ZFYVE19: variants seen among roughly 807,000 people sequenced by gnomAD.
ZFYVE19 encodes zinc finger FYVE-type containing 19, also known as abscission/NoCut checkpoint regulator.
Under a neutral mutation model 62.8 loss-of-function variants are expected in ZFYVE19, and 49 were observed. That is an observed-to-expected ratio of 0.78 (90% confidence interval 0.62 to 0.99). ZFYVE19 has a LOEUF of 0.99. ZFYVE19 is among the 50% of genes least tolerant of loss of function. The pLI, the probability that ZFYVE19 is intolerant of heterozygous loss-of-function variation, is 0.00. For missense variants in ZFYVE19, 630 were observed against 601.9 expected (o/e 1.05, Z -0.49); for synonymous variants, 242 against 234.3 (o/e 1.03, Z -0.30).
intron 6 of ZFYVE19, 127 bp from the exon 7 acceptor site, chr15:40,812,572 A>G: frequency 1.7e-6 from 1 of 604,792 alleles, no homozygotes; most frequent in East Asian, 3.3e-5. Context: ...AAAGAAAGAA[A>G]GAAAGAAAGA....
At position 40,813,356 on chromosome 15, in the gene ZFYVE19, G is replaced by T; in HGVS notation, c.1049G>T (p.Arg350Leu). ...DPERVTLQDYRLPDSDDDEDE... is the reference protein window; with the variant it reads ...DPERVTLQDYLLPDSDDDEDE... ...CTTCAAGTGACCCTCCAGGACTATCGCCTCCCAGACAGTGATGACGACGAG... is the reference window on the plus strand; with the variant it reads ...CTTCAAGTGACCCTCCAGGACTATCTCCTCCCAGACAGTGATGACGACGAG... Residue 350 changes from arginine to leucine, a missense_variant, in exon 8 of 11, where the codon CGC becomes CTC. Transcript: ENST00000355341. The T allele has an allele frequency of 1.9e-6, 3 of 1,613,148 alleles. No individual in the cohort carries two copies. The highest frequency in any genetic ancestry group is 2.5e-6 in the Non-Finnish European group (3 of 1,179,588).
intron 1 of ZFYVE19, chr15:40,808,203 A>C: frequency 6.3e-7 from 1 of 1,584,194 alleles, no homozygotes; most frequent in Non-Finnish European, 8.5e-7. Flanking sequence ...CGCGGTGTCC[A>C]TCACACCAAG....
intron 1 of ZFYVE19, chr15:40,808,343 A>G (rs1890347134): frequency 1.9e-6 from 3 of 1,597,524 alleles, no homozygotes; most frequent in Admixed American, 1.7e-5. Flanking sequence ...TCCTGTCCCT[A>G]TCACAGACCT....
intron 9 of ZFYVE19, 61 bp from the exon 10 acceptor site, chr15:40,813,882 G>A: frequency 6.3e-7 from 1 of 1,592,958 alleles, no homozygotes; most frequent in Non-Finnish European, 8.6e-7. Flanking sequence ...GACTGCTCCT[G>A]CAGCAGCTCA....
At chr15:40,810,552 CT>C in intron 5 of ZFYVE19, 96 bp from the exon 6 acceptor site, 1 of 1,502,212 alleles carries the variant, frequency 6.7e-7, no homozygotes, top group Non-Finnish European at 8.9e-7. Context: ...GATCCCTCTC[CT>C]TTCCCTGGGC....
intron 7 of ZFYVE19, 76 bp downstream of exon 7, chr15:40,812,978 G>C: frequency 6.6e-7 from 1 of 1,525,622 alleles, no homozygotes; most frequent in South Asian, 1.1e-5. Flanking sequence ...CAGGTGCTGG[G>C]GGTATTTGCG....
intron 6 of ZFYVE19, among the ~76,000 whole-genome samples, chr15:40,811,731 C>T (rs1237312517): frequency 6.6e-6 from 1 of 152,178 alleles, no homozygotes; most frequent in African/African-American, 2.4e-5. Flanking sequence ...TTATAAGGTA[C>T]ATACTATTCT....
chr15:40,812,911 T>G lies in ZFYVE19; in HGVS notation c.1030+9T>G. The G allele has an allele frequency of 6.2e-7, 1 of 1,607,986 alleles. No individual in the cohort carries two copies. Among genetic ancestry groups the G allele is most frequent in the Non-Finnish European group, 8.5e-7 (1 of 1,179,682 alleles). The stretch of plus-strand genomic sequence containing the variant: ...ACAGGACCCCGAGAGAGGTGAAGGC[T>G]GGGGAGCAGCTGCTCACTGGTATCC... On this transcript the variant is annotated intron_variant, in intron 7 of 10. Transcript: ENST00000355341.
Position 40,809,973 on chromosome 15 carries a change from G to A in ZFYVE19, c.571+3G>A. ...ACTCCGCCAGGAGAACAAGCCCAGTGAGCAGGGGCAGATGGGGTTGCCTAG... is the reference window on the plus strand; with the variant it reads ...ACTCCGCCAGGAGAACAAGCCCAGTAAGCAGGGGCAGATGGGGTTGCCTAG... On this transcript the variant is annotated splice_donor_region_variant and intron_variant, in intron 4 of 10. Coordinates refer to ENST00000355341, the MANE Select transcript of ZFYVE19 (RefSeq NM_001077268.2). 1 of 1,614,200 alleles carries A rather than the reference G, an allele frequency of 6.2e-7. No individual in the cohort carries two copies.
At position 40,814,374 on chromosome 15, in the gene ZFYVE19, G is replaced by T; in HGVS notation, c.*148G>T. ...TGAGCCTTGGTGTCCCTGGAATGAG[G>T]AAAGATTCTCCATTCGAGAGAATGA... is the stretch of plus-strand genomic sequence containing the variant. On this transcript the variant is annotated 3_prime_UTR_variant, in exon 11 of 11. Transcript: ENST00000355341. 1 of 888,578 alleles carries T rather than the reference G, an allele frequency of 1.1e-6. No homozygotes were observed. 55.0% of individuals were successfully genotyped at this position (888,578 alleles called of 1,614,324 possible).
chr15:40,808,947 C>T (rs3743034), intron 1 of ZFYVE19, 172 bp from the exon 2 acceptor site: 282,112 of 761,450 alleles, frequency 0.37, 53,737 homozygotes, highest in South Asian at 0.48. Flanking sequence ...TACTGGAAAC[C>T]GAGGAATTGC....
rs563171854 is a variant in ZFYVE19, at chr15:40,807,273, T to G, written c.-317T>G. On this transcript the variant is annotated 5_prime_UTR_variant, in exon 1 of 11. An upstream start codon of the reference 5' UTR is lost. Coordinates refer to ENST00000355341, the MANE Select transcript of ZFYVE19 (RefSeq NM_001077268.2). ...CCTCGCTCCCCGCCCAGGACCCGAA[T>G]GAACCTGGAGAGCGGATGCCAGCAG... is the stretch of plus-strand genomic sequence containing the variant. The G allele has an allele frequency of 1.1e-5, 17 of 1,607,398 alleles. No homozygotes were observed. In the African/African-American group the frequency reaches 2.3e-4, roughly 21 times the overall value.
intron 6 of ZFYVE19, chr15:40,811,012 C>G: frequency 2.3e-6 from 1 of 428,102 alleles, no homozygotes. Flanking sequence ...GTTACTTGAC[C>G]TAAGTCTCAC....
At chr15:40,810,961 T>A (rs1038742488) in intron 6 of ZFYVE19, 14 of 578,832 alleles carry the variant, frequency 2.4e-5, no homozygotes, top group African/African-American at 2.3e-4. Context: ...CAGACAGTGA[T>A]TCCCATTTCT....
chr15:40,814,492 GC>G lies in ZFYVE19; in HGVS notation c.*269del. ...GAGACCAGACTGAATCTACGGGTGAGCCCTGTAACCTGGCTCTAGGGCACAG... is the reference window on the plus strand; with the variant it reads ...GAGACCAGACTGAATCTACGGGTGAGCCTGTAACCTGGCTCTAGGGCACAG... On this transcript the variant is annotated 3_prime_UTR_variant, in exon 11 of 11. Transcript: ENST00000355341. 1.9e-6 allele frequency: 1 copy of G among 526,704 alleles called. No homozygotes were observed. The highest frequency in any genetic ancestry group is 3.4e-6 in the Non-Finnish European group (1 of 291,624). The allele number at this position is 526,704 out of a possible 1,614,324, so 32.6% of individuals were successfully genotyped here. A position where few individuals can be genotyped will look rare whatever the true frequency, so the allele number is the denominator to read the frequency against.
Position 40,812,558 on chromosome 15 carries a change from AAAGAAAG to A in ZFYVE19, c.827-138_827-132del, listed in dbSNP as rs1890523538. 2.8e-5 allele frequency: 11 copies of A among 388,728 alleles called. No homozygotes were observed. The African/African-American group carries it at 2.9e-4, about 10-fold the overall frequency. The allele number at this position is 388,728 out of a possible 1,614,324, so 24.1% of individuals were successfully genotyped here. On this transcript the variant is annotated intron_variant, in intron 6 of 10. Coordinates refer to ENST00000355341, the MANE Select transcript of ZFYVE19 (RefSeq NM_001077268.2). Reference sequence around the variant, plus strand: ...GAGACTCCATCTCAAAAAAAAAAAAAAAGAAAGAAAGAAAGAAAGAAAGAAAGAAAGA... The same window carrying A: ...GAGACTCCATCTCAAAAAAAAAAAAAAAAGAAAGAAAGAAAGAAAGAAAGA...
intron 8 of ZFYVE19, 69 bp from the exon 9 acceptor site, chr15:40,813,644 C>T: frequency 2.1e-6 from 3 of 1,444,250 alleles, no homozygotes; most frequent in Non-Finnish European, 2.8e-6. Flanking sequence ...CCACAGTGCA[C>T]AGAAATACTG....
Position 40,809,212 on chromosome 15 carries a change from T to C in ZFYVE19, c.373T>C (p.Cys125Arg), listed in dbSNP as rs1890394424. 1 of 1,614,114 alleles carries C rather than the reference T, an allele frequency of 6.2e-7. No homozygotes were observed. Among genetic ancestry groups the C allele is most frequent in the Non-Finnish European group, 8.5e-7 (1 of 1,180,050 alleles). Reference protein sequence around the residue: ...PRTGNTQQKVCKQCHEVLTRG... With the variant: ...PRTGNTQQKVRKQCHEVLTRG... ...GACTGGGAACACCCAACAGAAAGTC[T>C]GCAAGCAATGCCATGAGGTCCTGAC... The change falls in exon 2 of 11, where the codon TGC becomes CGC. Residue 125 changes from cysteine to arginine, a missense_variant. Cys to Arg is a radical substitution (Grantham distance 180). Transcript: ENST00000355341.
Position 40,809,913 on chromosome 15 carries a change from C to T in ZFYVE19, c.514C>T (p.Arg172Ter), listed in dbSNP as rs753989803. 1.1e-5 allele frequency: 17 copies of T among 1,614,086 alleles called. No homozygotes were observed. Among genetic ancestry groups the T allele is most frequent in the East Asian group, 6.7e-5 (3 of 44,896 alleles). The part of the protein sequence containing the change: ...PSTSQSQGLT[R>*]QDQMIAERLA... ...CACTTCCCAGAGCCAGGGACTGACA[C>T]GACAAGACCAGATGATTGCTGAGCG... Residue 172 changes from arginine to a stop codon, truncating the protein, a stop_gained, in exon 4 of 11, where the codon CGA (arginine) becomes TGA (stop). Coordinates refer to ENST00000355341, the MANE Select transcript of ZFYVE19 (RefSeq NM_001077268.2). LOFTEE classifies it high-confidence loss of function.
Sources: allele counts gnomAD v4.1 joint callset (sites outside exome capture counted in the v4.1 genomes callset), GRCh38; gene constraint gnomAD v4.1.1; transcripts MANE v1.5; gene names NCBI Gene and HGNC (gene_info 2026-07-23, HGNC 2026-07-21).